SMARCAD1: variants seen among roughly 807,000 people sequenced by gnomAD.
The protein encoded by SMARCAD1 is SWI/SNF-related matrix-associated actin-dependent regulator of chromatin subfamily A containing DEAD/H box 1.
Under a neutral mutation model 127.1 loss-of-function variants are expected in SMARCAD1, and 25 were observed. That is an observed-to-expected ratio of 0.20 (90% CI 0.14 to 0.27). SMARCAD1 has a LOEUF of 0.27. SMARCAD1 is among the 10% of genes least tolerant of loss of function. The pLI is 1.00. For synonymous variants in SMARCAD1, 400 were observed against 396.9 expected (o/e 1.01, Z -0.09); for missense variants, 807 against 1,206.0 (o/e 0.67, Z 4.90).
chr4:94,233,069 C>T (rs1216161101), intron 3 of SMARCAD1, among the ~76,000 whole-genome samples: 1 of 152,172 alleles, frequency 6.6e-6, no homozygotes, highest in East Asian at 1.9e-4. Context: ...AAGGACACAA[C>T]AGAAATAACA....
chr4:94,266,386 C>T (rs1751731577), intron 10 of SMARCAD1, among the ~76,000 whole-genome samples: 1 of 152,062 alleles, frequency 6.6e-6, no homozygotes, highest in South Asian at 2.1e-4. Flanking sequence ...TTCCATTAGA[C>T]TGAGGATTTT....
At chr4:94,226,054 A>G (rs976777389) in intron 2 of SMARCAD1, 65 bp from the exon 3 acceptor site, 63 of 1,321,614 alleles carry the variant, frequency 4.8e-5, no homozygotes, top group Non-Finnish European at 6.4e-5. Context: ...GCACATGATT[A>G]TAACTAACAA....
intron 9 of SMARCAD1, among the ~76,000 whole-genome samples, chr4:94,261,724 C>T (rs916171136): frequency 7.2e-5 from 11 of 152,310 alleles, no homozygotes; most frequent in African/African-American, 2.6e-4. Flanking sequence ...ATCGTCCCAC[C>T]TCAGCCTCCT....
intron 15 of SMARCAD1, among the ~76,000 whole-genome samples, chr4:94,276,711 A>G (rs1753353864): frequency 6.6e-6 from 1 of 151,750 alleles, no homozygotes; most frequent in African/African-American, 2.4e-5. Flanking sequence ...AAAAATTATT[A>G]GGTCATAAGC....
At chr4:94,286,488 C>T (rs1365875630) in intron 23 of SMARCAD1, among the ~76,000 whole-genome samples, 1 of 152,198 alleles carries the variant, frequency 6.6e-6, no homozygotes, top group East Asian at 1.9e-4. Context: ...ACTAGCCTTG[C>T]ATTTCCCACC....
intron 9 of SMARCAD1, among the ~76,000 whole-genome samples, chr4:94,261,181 A>C (rs985557909): frequency 6.6e-6 from 1 of 151,786 alleles, no homozygotes; most frequent in African/African-American, 2.4e-5. Context: ...ATAAAGATTC[A>C]GTGTGCTTCA....
At chr4:94,222,713 A>G (rs969449863) in intron 2 of SMARCAD1, among the ~76,000 whole-genome samples, 4 of 152,182 alleles carry the variant, frequency 2.6e-5, no homozygotes, top group African/African-American at 9.7e-5. Context: ...CTGTAATCCC[A>G]ACATTTCAGG....
At chr4:94,253,431 G>A (rs1184058586) in intron 9 of SMARCAD1, 2 of 1,200,228 alleles carry the variant, frequency 1.7e-6, no homozygotes, top group Non-Finnish European at 2.1e-6. Context: ...CAACGGCCAG[G>A]GGAGCTCCAT....
chr4:94,250,464 T>C (rs889047504), intron 7 of SMARCAD1, among the ~76,000 whole-genome samples: 2 of 152,078 alleles, frequency 1.3e-5, no homozygotes, highest in African/African-American at 4.8e-5. Context: ...GAAATTTCAT[T>C]TTTAATTGAG....
At chr4:94,276,930 C>G (rs1753395687) in intron 15 of SMARCAD1, 92 bp from the exon 16 acceptor site, 1 of 1,291,050 alleles carries the variant, frequency 7.7e-7, no homozygotes. Flanking sequence ...TTTAATTTAT[C>G]TCTCCTCCCT....
chr4:94,228,599 G>A (rs1363038291), intron 3 of SMARCAD1, among the ~76,000 whole-genome samples: 1 of 151,858 alleles, frequency 6.6e-6, no homozygotes, highest in Admixed American at 6.6e-5. Context: ...ATGCAAATCA[G>A]GGTACTGATT....
At chr4:94,214,443 A>G (rs1036996585) in intron 2 of SMARCAD1, among the ~76,000 whole-genome samples, 1 of 144,112 alleles carries the variant, frequency 6.9e-6, no homozygotes, top group African/African-American at 2.6e-5. Context: ...TTTTTTTTGT[A>G]TTTTTAGTAG....
intron 22 of SMARCAD1, among the ~76,000 whole-genome samples, chr4:94,283,804 C>T (rs577871553): frequency 5.3e-5 from 8 of 151,260 alleles, no homozygotes; most frequent in South Asian, 2.1e-4. Context: ...CCAGCCTGGG[C>T]GACAGAGCAA....
intron 2 of SMARCAD1, among the ~76,000 whole-genome samples, chr4:94,220,470 A>T (rs796084252): frequency 1.2e-4 from 18 of 151,806 alleles, no homozygotes; most frequent in African/African-American, 4.1e-4. Context: ...TTGCTCTCGA[A>T]CTCCTGACCT....
At chr4:94,277,443 G>A (rs1301211805) in intron 16 of SMARCAD1, among the ~76,000 whole-genome samples, 5 of 152,196 alleles carry the variant, frequency 3.3e-5, no homozygotes, top group East Asian at 1.9e-4. Flanking sequence ...TAGTATGTGC[G>A]GAAAGTTTGA....
intron 4 of SMARCAD1, among the ~76,000 whole-genome samples, chr4:94,234,472 G>T (rs553920687): frequency 6.6e-6 from 1 of 152,238 alleles, no homozygotes; most frequent in African/African-American, 2.4e-5. Context: ...AGGGTTTTTA[G>T]TGGCATTTAG....
chr4:94,235,814 T>A (rs1366801031), intron 4 of SMARCAD1, among the ~76,000 whole-genome samples: 1 of 152,134 alleles, frequency 6.6e-6, no homozygotes, highest in Non-Finnish European at 1.5e-5. Flanking sequence ...ATTTTTAATG[T>A]AGTTCAGAGT....
At chr4:94,224,001 A>G (rs1744606275) in intron 2 of SMARCAD1, among the ~76,000 whole-genome samples, 1 of 152,072 alleles carries the variant, frequency 6.6e-6, no homozygotes, top group African/African-American at 2.4e-5. Context: ...AGTTTTATGT[A>G]TTTTTAGATT....
chr4:94,275,388 A>C (rs1753110250), intron 14 of SMARCAD1, among the ~76,000 whole-genome samples: 1 of 152,160 alleles, frequency 6.6e-6, no homozygotes, highest in African/African-American at 2.4e-5. Flanking sequence ...AATACTAATA[A>C]TACTACTTGG....
Sources: gnomAD v4.1 joint callset for allele counts (sites outside exome capture counted in the v4.1 genomes callset) on GRCh38, gnomAD v4.1.1 for gene constraint, MANE v1.5 for transcripts, NCBI Gene and HGNC (gene_info 2026-07-23, HGNC 2026-07-21) for gene names.